The following PDE1A variants were observed in gnomAD, a reference collection of about 807,000 sequenced individuals.
The protein encoded by PDE1A is phosphodiesterase 1A.
A neutral mutation model predicts 61.7 loss-of-function variants in PDE1A; 35 were observed. The ratio of observed to expected loss-of-function variants is 0.57; its 90% CI spans 0.43 to 0.75. The LOEUF is 0.75. PDE1A is among the 30% of genes least tolerant of loss of function. The probability of loss-of-function intolerance (pLI) is 0.00; values close to 1 mark genes in which losing one functional copy is unlikely to be tolerated. For synonymous variants in PDE1A, 232 were observed against 213.2 expected (o/e 1.09, Z -0.77); for missense variants, 597 against 630.6 (o/e 0.95, Z 0.57).
chr2:182,598,699 C>G, the PDE1A span, among the ~76,000 whole-genome samples: 1 of 152,136 alleles, frequency 6.6e-6, no homozygotes, highest in African/African-American at 2.4e-5. Flanking sequence ...TAGGGGAATC[C>G]TCACCCTACC....
At chr2:182,271,778 G>A (rs556810177) in intron 1 of PDE1A, among the ~76,000 whole-genome samples, 1 of 152,186 alleles carries the variant, frequency 6.6e-6, no homozygotes, top group East Asian at 1.9e-4. Context: ...GGGTATTTAT[G>A]GTTTGCATTA....
the PDE1A span, among the ~76,000 whole-genome samples, chr2:182,661,458 C>T: frequency 6.6e-6 from 1 of 152,162 alleles, no homozygotes. Context: ...CCACTGATTA[C>T]AAGCAAAGAC....
intron 6 of PDE1A, among the ~76,000 whole-genome samples, chr2:182,225,625 G>A (rs16822889): frequency 0.19 from 29,069 of 151,610 alleles, 3,019 homozygotes; most frequent in East Asian, 0.33. Context: ...CTACAGTTGT[G>A]GTGAAAATGG....
chr2:182,481,319 T>A (rs369716829), intron 2 of PDE1A, among the ~76,000 whole-genome samples: 2 of 151,996 alleles, frequency 1.3e-5, no homozygotes, highest in African/African-American at 4.8e-5. Flanking sequence ...ATAGCATTTA[T>A]CATAGTCTTC....
chr2:182,568,810 T>C, the PDE1A span, among the ~76,000 whole-genome samples: 5 of 151,504 alleles, frequency 3.3e-5, no homozygotes, highest in East Asian at 2.0e-4. Flanking sequence ...GCTTAGAAAC[T>C]TTTTCTTGAA....
At chr2:182,141,063 A>AAGG (rs1160738305) in exon 15 of PDE1A, 3 of 151,798 alleles carry the variant, frequency 2.0e-5, no homozygotes, top group South Asian at 2.1e-4. Context: ...AATTCTTTAT[A>AAGG]TTCCTCTACT....
At chr2:182,357,247 C>G (rs576627387) in intron 1 of PDE1A, among the ~76,000 whole-genome samples, 1 of 146,178 alleles carries the variant, frequency 6.8e-6, no homozygotes, top group South Asian at 2.2e-4. Context: ...CAATGAACTA[C>G]AGAGAGAGAG....
exon 14 of PDE1A, chr2:182,168,092 T>G (rs1691763926): frequency 1.8e-5 from 24 of 1,351,332 alleles, no homozygotes; most frequent in Admixed American, 3.6e-5. Flanking sequence ...ACAGCTGTTA[T>G]TTATGTGGCT....
the PDE1A span, among the ~76,000 whole-genome samples, chr2:182,551,206 A>G: frequency 0.011 from 1,649 of 152,286 alleles, 19 homozygotes; most frequent in Middle Eastern, 0.034. Flanking sequence ...AGCAAGGTAA[A>G]AGGGAGAGGT....
chr2:182,695,672 AAAAAAAAAAAAAAG>A, the PDE1A span, among the ~76,000 whole-genome samples: 1 of 90,020 alleles, frequency 1.1e-5, no homozygotes, highest in Non-Finnish European at 2.5e-5. Flanking sequence ...CTCTCAAAAA[AAAAAAAAAAAAAAG>A]AAAAAGAAAA....
At chr2:182,277,367 C>T (rs1414488575) in intron 1 of PDE1A, among the ~76,000 whole-genome samples, 5 of 152,160 alleles carry the variant, frequency 3.3e-5, no homozygotes, top group South Asian at 4.1e-4. Context: ...AAAGAATATA[C>T]GTTGAAATAT....
intron 2 of PDE1A, among the ~76,000 whole-genome samples, chr2:182,448,961 T>G (rs1482496668): frequency 6.6e-6 from 1 of 151,870 alleles, no homozygotes; most frequent in East Asian, 1.9e-4. Flanking sequence ...TTGATTCTTC[T>G]CTATATTTAA....
chr2:182,563,903 C>T, the PDE1A span, among the ~76,000 whole-genome samples: 1 of 152,030 alleles, frequency 6.6e-6, no homozygotes, highest in Non-Finnish European at 1.5e-5. Flanking sequence ...TTTCCATTTG[C>T]TTGGTAGATC....
the PDE1A span, among the ~76,000 whole-genome samples, chr2:182,652,495 G>A: frequency 2.6e-5 from 4 of 152,240 alleles, no homozygotes; most frequent in South Asian, 4.2e-4. Context: ...AGAGATCTGA[G>A]GCAAGATGTC....
At chr2:182,188,938 GCACACAC>G in intron 11 of PDE1A, 34 bp downstream of exon 11, 1 of 1,334,164 alleles carries the variant, frequency 7.5e-7, no homozygotes, top group Non-Finnish European at 1.1e-6. Flanking sequence ...AAACTGACAA[GCACACAC>G]TCACTTTCCA....
At chr2:182,172,178 C>G (rs1436928926) in intron 13 of PDE1A, among the ~76,000 whole-genome samples, 1 of 151,950 alleles carries the variant, frequency 6.6e-6, no homozygotes, top group Non-Finnish European at 1.5e-5. Context: ...AATACTATTT[C>G]ATTTATGTGG....
chr2:182,229,896 T>A, intron 6 of PDE1A, 110 bp downstream of exon 6: 1 of 668,172 alleles, frequency 1.5e-6, no homozygotes, highest in South Asian at 3.5e-5. Flanking sequence ...TTTATAATAC[T>A]TATTACTTAG....
chr2:182,614,436 A>G, the PDE1A span, among the ~76,000 whole-genome samples: 1 of 151,356 alleles, frequency 6.6e-6, no homozygotes, highest in African/African-American at 2.4e-5. Context: ...TTAATTCTTT[A>G]TTTTTTCAAG....
intron 10 of PDE1A, among the ~76,000 whole-genome samples, chr2:182,194,406 T>C (rs2125437948): frequency 6.6e-6 from 1 of 152,274 alleles, no homozygotes; most frequent in Non-Finnish European, 1.5e-5. Flanking sequence ...CTCCTATCAG[T>C]CATAGTTAAA....
Sources: allele counts gnomAD v4.1 joint callset (sites outside exome capture counted in the v4.1 genomes callset), GRCh38; gene constraint gnomAD v4.1.1; transcripts MANE v1.5; gene names NCBI Gene and HGNC (gene_info 2026-07-23, HGNC 2026-07-21).